CDH12: variants seen among roughly 807,000 people sequenced by gnomAD.
The protein encoded by CDH12 is cadherin 12.
A neutral mutation model predicts 74.1 loss-of-function variants in CDH12; 41 were observed. The ratio of observed to expected loss-of-function variants is 0.55; its 90% CI spans 0.43 to 0.72. The LOEUF (loss-of-function observed/expected upper bound fraction) is 0.72, where lower values mean the gene tolerates loss of function less well. Among genes scored for constraint, CDH12 ranks in the 30% least tolerant of loss-of-function variants. The pLI, the probability that CDH12 is intolerant of heterozygous loss-of-function variation, is 0.00. For synonymous variants in CDH12, 399 were observed against 355.0 expected (o/e 1.12, Z -1.39); for missense variants, 945 against 977.2 (o/e 0.97, Z 0.44).
At chr5:21,987,284 A>T (rs1218346608) in intron 5 of CDH12, among the ~76,000 whole-genome samples, 4 of 152,200 alleles carry the variant, frequency 2.6e-5, no homozygotes, top group African/African-American at 9.6e-5. Flanking sequence ...TTTTTAATAC[A>T]TGCAAAGTAT....
intron 1 of CDH12, among the ~76,000 whole-genome samples, chr5:22,720,800 C>T (rs1404692593): frequency 6.6e-6 from 1 of 152,168 alleles, no homozygotes; most frequent in African/African-American, 2.4e-5. Flanking sequence ...GAACAAAGGT[C>T]ACCCTTGCTA....
At chr5:22,125,307 G>A (rs1461394753) in intron 4 of CDH12, among the ~76,000 whole-genome samples, 1 of 151,970 alleles carries the variant, frequency 6.6e-6, no homozygotes, top group African/African-American at 2.4e-5. Flanking sequence ...TCCCCTCCCT[G>A]TGTCCATTTG....
At chr5:21,985,177 A>G (rs1427691918) in intron 5 of CDH12, among the ~76,000 whole-genome samples, 1 of 152,128 alleles carries the variant, frequency 6.6e-6, no homozygotes, top group Non-Finnish European at 1.5e-5. Context: ...TTTATTTGTC[A>G]TTATCTTTTG....
intron 1 of CDH12, among the ~76,000 whole-genome samples, chr5:22,677,632 G>T (rs1257807630): frequency 6.6e-6 from 1 of 152,108 alleles, no homozygotes; most frequent in Non-Finnish European, 1.5e-5. Flanking sequence ...CTAGGATAGA[G>T]ACTGGAAAAA....
intron 5 of CDH12, among the ~76,000 whole-genome samples, chr5:22,032,047 AG>A (rs1209525427): frequency 6.6e-6 from 1 of 152,022 alleles, no homozygotes; most frequent in African/African-American, 2.4e-5. Flanking sequence ...ATATCTGCAA[AG>A]CTCAATAAAG....
At chr5:22,680,528 C>T (rs1465257524) in intron 1 of CDH12, among the ~76,000 whole-genome samples, 5 of 151,856 alleles carry the variant, frequency 3.3e-5, no homozygotes, top group Admixed American at 6.6e-5. Flanking sequence ...ATGACTTGCC[C>T]GAAGACACAA....
At chr5:22,375,669 A>C (rs1741489328) in intron 3 of CDH12, among the ~76,000 whole-genome samples, 1 of 152,132 alleles carries the variant, frequency 6.6e-6, no homozygotes, top group Admixed American at 6.5e-5. Context: ...AGACATACAA[A>C]TGGCTGATAA....
At chr5:21,823,066 C>T (rs1748460386) in intron 8 of CDH12, among the ~76,000 whole-genome samples, 1 of 151,982 alleles carries the variant, frequency 6.6e-6, no homozygotes, top group South Asian at 2.1e-4. Flanking sequence ...TAGTGGTCTC[C>T]TTCATGGAAT....
rs766675897 is a variant in CDH12 at position 21,975,272 on chromosome 5, C to T, written c.345G>A (p.Arg115=). The T allele has an allele frequency of 3.1e-6, 5 of 1,597,254 alleles. No individual in the cohort carries two copies. The highest frequency in any genetic ancestry group is 1.1e-5 in the South Asian group (1 of 90,978). ...AAGGTTTCTCTTCTCTATCTAGGCT[C>T]CTTATTGCATGAATGTCCCCTGTGG... is the stretch of plus-strand genomic sequence containing the variant. ...DETTGDIHAI[R]SLDREEKPFY... is the part of the protein sequence containing the mutation. The change falls in exon 6 of 15, where the codon AGG becomes AGA. Residue 115 remains arginine (R), a synonymous_variant. Transcript: ENST00000382254.
At chr5:22,270,774 C>T (rs781608329) in intron 3 of CDH12, among the ~76,000 whole-genome samples, 39 of 151,970 alleles carry the variant, frequency 2.6e-4, no homozygotes, top group South Asian at 6.2e-4. Context: ...TGGTTTCAAG[C>T]GATTCTCCTG....
At chr5:21,779,419 T>C (rs1745785419) in intron 11 of CDH12, 1 of 152,122 alleles carries the variant, frequency 6.6e-6, no homozygotes, top group East Asian at 1.9e-4. Context: ...CCTAGAAACA[T>C]TTGCCTGTTG....
At chr5:21,996,752 A>T (rs931345180) in intron 5 of CDH12, among the ~76,000 whole-genome samples, 18 of 152,188 alleles carry the variant, frequency 1.2e-4, no homozygotes, top group South Asian at 2.1e-4. Context: ...GATAAAATAC[A>T]TTACATTAAA....
chr5:22,339,866 A>G (rs1184618518), intron 3 of CDH12, among the ~76,000 whole-genome samples: 1 of 152,210 alleles, frequency 6.6e-6, no homozygotes, highest in African/African-American at 2.4e-5. Flanking sequence ...ACATATATAC[A>G]TAGAAAATTG....
intron 1 of CDH12, among the ~76,000 whole-genome samples, chr5:22,696,232 G>T (rs936482548): frequency 6.6e-6 from 1 of 151,908 alleles, no homozygotes; most frequent in Admixed American, 6.6e-5. Context: ...TTAGCCGGGC[G>T]TGGTGGCGGG....
chr5:22,088,249 A>G (rs1743193178), intron 4 of CDH12, among the ~76,000 whole-genome samples: 2 of 152,164 alleles, frequency 1.3e-5, no homozygotes, highest in Admixed American at 6.5e-5. Context: ...AATAACACTC[A>G]TTGCCAGCTG....
At chr5:22,193,527 T>C (rs1169108137) in intron 4 of CDH12, among the ~76,000 whole-genome samples, 2 of 152,242 alleles carry the variant, frequency 1.3e-5, no homozygotes, top group Non-Finnish European at 2.9e-5. Flanking sequence ...TTGTGCTGAA[T>C]GTCAACCTGT....
chr5:21,757,818 A>G (rs1350560699), intron 13 of CDH12, among the ~76,000 whole-genome samples: 1 of 152,128 alleles, frequency 6.6e-6, no homozygotes, highest in African/African-American at 2.4e-5. Flanking sequence ...AGACCTGGAA[A>G]TCTATTTTGT....
intron 1 of CDH12, among the ~76,000 whole-genome samples, chr5:22,847,207 T>C (rs545294491): frequency 1.3e-5 from 2 of 152,328 alleles, no homozygotes; most frequent in African/African-American, 4.8e-5. Context: ...TGAGGTTTTC[T>C]ATTCTTACCT....
intron 4 of CDH12, among the ~76,000 whole-genome samples, chr5:22,099,797 T>C (rs1375217266): frequency 6.6e-6 from 1 of 152,238 alleles, no homozygotes; most frequent in Non-Finnish European, 1.5e-5. Flanking sequence ...TCTAATTAGA[T>C]GTCCTAGGTC....
Sources: gnomAD v4.1 joint callset for allele counts (sites outside exome capture counted in the v4.1 genomes callset) on GRCh38, gnomAD v4.1.1 for gene constraint, MANE v1.5 for transcripts, NCBI Gene and HGNC (gene_info 2026-07-23, HGNC 2026-07-21) for gene names.